The following CR2 variants were observed in gnomAD, a reference collection of about 807,000 sequenced individuals.
The protein encoded by CR2 is complement receptor type 2.
Under a neutral mutation model 123.0 loss-of-function variants are expected in CR2, and 96 were observed. The ratio of observed to expected loss-of-function variants is 0.78; its 90% CI spans 0.66 to 0.93. The LOEUF is 0.93. Among genes scored for constraint, CR2 ranks in the 40% least tolerant of loss-of-function variants. CR2 has a pLI of 0.00. For synonymous variants in CR2, 484 were observed against 469.5 expected (o/e 1.03, Z -0.40); for missense variants, 1,258 against 1,361.0 (o/e 0.92, Z 1.19).
chr1:207,471,242 A>G (rs908994968), intron 8 of CR2, among the ~76,000 whole-genome samples, 155 bp downstream of exon 8: 1 of 152,206 alleles, frequency 6.6e-6, no homozygotes, highest in African/African-American at 2.4e-5. Context: ...AGTGTCTATC[A>G]TACTATTTTT....
intron 14 of CR2, among the ~76,000 whole-genome samples, chr1:207,475,515 T>G (rs1182565782): frequency 6.6e-6 from 1 of 152,214 alleles, no homozygotes; most frequent in African/African-American, 2.4e-5. Context: ...CACATACATT[T>G]TTGGCAAATG....
chr1:207,478,004 G>T lies in CR2; in HGVS notation c.3022G>T (p.Gly1008Cys). 6.2e-7 allele frequency: 1 copy of T among 1,614,056 alleles called. No homozygotes were observed. The highest frequency in any genetic ancestry group is 8.5e-7 in the Non-Finnish European group (1 of 1,179,982). The change falls in exon 16 of 20, where the codon GGC (glycine) becomes TGC (cysteine). Residue 1008 changes from glycine (G) to cysteine (C), a missense_variant. Transcript: ENST00000367057. ...LECEDGYMLE[G>C]SPQSQCQSDH... ...GTGTGAAGATGGGTATATGCTGGAA[G>T]GCAGTCCCCAGAGCCAGTGCCAATC...
rs969014885 is a variant in CR2 at position 207,469,299 on chromosome 1, C to G, written c.817+67C>G. ...CTTAACTAAAAGCTTTTGGTTCAGT[C>G]ATTACCTTACAGACTCTTACTGAAC... is the stretch of plus-strand genomic sequence containing the variant. On this transcript the variant is annotated intron_variant, in intron 5 of 19. Coordinates refer to ENST00000367057, the MANE Select transcript of CR2 (RefSeq NM_001006658.3). 13 of 1,175,630 alleles carry G rather than the reference C, an allele frequency of 1.1e-5. No individual in the cohort carries two copies. In the African/African-American group the frequency reaches 1.8e-4, roughly 16 times the overall value. The allele number at this position is 1,175,630 out of a possible 1,614,324, so 72.8% of individuals were successfully genotyped here. A position where few individuals can be genotyped will look rare whatever the true frequency, so the allele number is the denominator to read the frequency against.
chr1:207,469,258 A>AG, intron 5 of CR2, 26 bp downstream of exon 5: 1 of 1,560,062 alleles, frequency 6.4e-7, no homozygotes, highest in South Asian at 1.1e-5. Flanking sequence ...ATGGTCTGAC[A>AG]GCACTGCATT....
At chr1:207,473,205 A>T in intron 10 of CR2, 26 bp downstream of exon 10, 8 of 1,611,382 alleles carry the variant, frequency 5.0e-6, no homozygotes, top group Non-Finnish European at 6.8e-6. Context: ...GGGGGAAAAA[A>T]GGAGAGATTT....
intron 19 of CR2, among the ~76,000 whole-genome samples, chr1:207,486,132 G>A (rs1162736445): frequency 1.3e-5 from 2 of 150,438 alleles, no homozygotes; most frequent in African/African-American, 4.9e-5. Flanking sequence ...TCGGGAGGCT[G>A]AGGCAGGAGA....
At chr1:207,460,502 A>G (rs1054496784) in intron 1 of CR2, among the ~76,000 whole-genome samples, 24 of 152,288 alleles carry the variant, frequency 1.6e-4, no homozygotes, top group African/African-American at 5.8e-4. Flanking sequence ...CTGTTTGAAA[A>G]AGGAGATTAT....
intron 10 of CR2, 48 bp downstream of exon 10, chr1:207,473,227 C>A: frequency 3.1e-6 from 5 of 1,602,064 alleles, no homozygotes; most frequent in Non-Finnish European, 4.3e-6. Flanking sequence ...CTTAATTATT[C>A]TTGTTTATTA....
chr1:207,467,537 C>T (rs1489015656), intron 2 of CR2, among the ~76,000 whole-genome samples: 1 of 151,932 alleles, frequency 6.6e-6, no homozygotes, highest in Non-Finnish European at 1.5e-5. Flanking sequence ...TCCACAATTA[C>T]AAGAAATGGC....
chr1:207,471,975 C>G (rs954456041), intron 9 of CR2: 1 of 224,926 alleles, frequency 4.4e-6, no homozygotes, highest in Non-Finnish European at 8.9e-6. Flanking sequence ...AAGGACCAGG[C>G]ACAGTGGCTC....
intron 1 of CR2, among the ~76,000 whole-genome samples, chr1:207,462,855 T>C (rs1658000611): frequency 6.6e-6 from 1 of 152,148 alleles, no homozygotes; most frequent in African/African-American, 2.4e-5. Flanking sequence ...AGAATATGTA[T>C]AAAAATGGAA....
chr1:207,476,242 G>T lies in CR2; in HGVS notation c.2725G>T (p.Gly909Trp). The T allele has an allele frequency of 1.2e-6, 2 of 1,613,596 alleles. No individual in the cohort carries two copies. The highest frequency in any genetic ancestry group is 1.7e-6 in the Non-Finnish European group (2 of 1,179,760). ...TCTTATTGGTGTCTAAGCCTTCATA[G>T]GGTGTCCACCTCCGCCTAAGACCCC... Reference protein sequence around the residue: ...VPTCIKKAFIGCPPPPKTPNG... With the variant: ...VPTCIKKAFIWCPPPPKTPNG... Residue 909 changes from glycine (G) to tryptophan (W), a missense_variant, in exon 15 of 20, where the codon GGG becomes TGG. Coordinates refer to ENST00000367057, the MANE Select transcript of CR2 (RefSeq NM_001006658.3).
At chr1:207,485,161 G>A (rs1658714767) in intron 18 of CR2, among the ~76,000 whole-genome samples, 1 of 152,156 alleles carries the variant, frequency 6.6e-6, no homozygotes, top group African/African-American at 2.4e-5. Flanking sequence ...CACAGGGAGG[G>A]AAACATCATA....
rs534601285 is a variant in CR2 at position 207,463,705 on chromosome 1, C to T, written c.59-2821C>T. Among the ~76,000 whole-genome samples the T allele has an allele frequency of 1.2e-4, 19 of 152,196 alleles. No individual in the cohort carries two copies. The East Asian group carries it at 1.9e-3, about 15-fold the overall frequency. ...ATGTGCAGTTTTGTTACAGGGTAAA[C>T]GTGTGCCGCGAGATTTCTTATCTCT... On this transcript the variant is annotated intron_variant, in intron 1 of 19. Coordinates refer to ENST00000367057, the MANE Select transcript of CR2 (RefSeq NM_001006658.3).
At chr1:207,459,082 A>G (rs1025158192) in intron 1 of CR2, among the ~76,000 whole-genome samples, 2 of 152,252 alleles carry the variant, frequency 1.3e-5, no homozygotes, top group Admixed American at 1.3e-4. Context: ...AAGGAAAAAT[A>G]TGAGGATTAC....
chr1:207,460,303 A>G (rs962761382), intron 1 of CR2, among the ~76,000 whole-genome samples: 1 of 152,214 alleles, frequency 6.6e-6, no homozygotes, highest in African/African-American at 2.4e-5. Flanking sequence ...GGAAATAAAT[A>G]GAAGGGGACC....
intron 14 of CR2, 57 bp downstream of exon 14, chr1:207,475,273 T>C: frequency 6.3e-7 from 1 of 1,581,930 alleles, no homozygotes; most frequent in East Asian, 2.2e-5. Context: ...AGAAAAGAGG[T>C]TTTGAATCTG....
intron 18 of CR2, among the ~76,000 whole-genome samples, chr1:207,483,409 T>C (rs1658658643): frequency 6.6e-6 from 1 of 152,118 alleles, no homozygotes; most frequent in Non-Finnish European, 1.5e-5. Flanking sequence ...GAGGGCTGCC[T>C]ATGGGGTTCT....
chr1:207,485,393 G>A (rs1285746862), intron 18 of CR2, 71 bp from the exon 19 acceptor site: 2 of 973,190 alleles, frequency 2.1e-6, no homozygotes, highest in African/African-American at 1.6e-5. Context: ...ATTATGGAAA[G>A]CAAACAACTG....
Sources: gnomAD v4.1 joint callset for allele counts (sites outside exome capture counted in the v4.1 genomes callset) on GRCh38, gnomAD v4.1.1 for gene constraint, MANE v1.5 for transcripts, NCBI Gene and HGNC (gene_info 2026-07-23, HGNC 2026-07-21) for gene names.